The following CLPTM1L variants were observed in gnomAD, a reference collection of about 807,000 sequenced individuals.
CLPTM1L encodes the protein lipid scramblase CLPTM1L.
A neutral mutation model predicts 70.9 loss-of-function variants in CLPTM1L; 38 were observed. The observed-to-expected ratio is 0.54, with a 90% CI of 0.41 to 0.70. The LOEUF (loss-of-function observed/expected upper bound fraction) is 0.70, where lower values mean the gene tolerates loss of function less well. Ranked by LOEUF, CLPTM1L falls within the 30% of genes least tolerant of loss-of-function variation. The probability of loss-of-function intolerance (pLI) is 0.00; values close to 1 mark genes in which losing one functional copy is unlikely to be tolerated. For synonymous variants in CLPTM1L, 339 were observed against 299.9 expected (o/e 1.13, Z -1.35); for missense variants, 652 against 705.9 (o/e 0.92, Z 0.87).
At chr5:1,335,537 G>A (rs986939494) in intron 5 of CLPTM1L, among the ~76,000 whole-genome samples, 3 of 152,272 alleles carry the variant, frequency 2.0e-5, no homozygotes, top group African/African-American at 4.8e-5. Flanking sequence ...AGCATACGGC[G>A]CTGAGCTTGG....
intron 7 of CLPTM1L, among the ~76,000 whole-genome samples, chr5:1,334,008 G>A (rs976418705): frequency 1.1e-4 from 17 of 152,122 alleles, no homozygotes; most frequent in African/African-American, 3.6e-4. Context: ...GAGTACCCTG[G>A]ATCCTTTTCA....
At position 1,341,788 on chromosome 5, in the gene CLPTM1L, G is replaced by T; in HGVS notation, c.336C>A (p.His112Gln). ...CGTCGTGCCACGGCAGGACCCCAGC[G>T]TGATGGAGGAAGATGTAGGCATACA... ...GTLYAYIFLH[H>Q]AGVLPWHDGK... is the part of the protein sequence containing the mutation. Residue 112 changes from histidine (H) to glutamine (Q), a missense_variant, in exon 3 of 17, where the codon CAC becomes CAA. His to Gln is a conservative substitution (Grantham distance 24, BLOSUM62 0). This residue lies in a region of CLPTM1L where 402 missense variants were observed against 388.2 expected (regional missense o/e 1.04). Coordinates refer to ENST00000320895, the MANE Select transcript of CLPTM1L (RefSeq NM_030782.5). 1 of 1,614,062 alleles carries T rather than the reference G, an allele frequency of 6.2e-7. No homozygotes were observed.
chr5:1,321,663 T>C lies in CLPTM1L; in HGVS notation c.1388A>G (p.His463Arg). ...FVNYKLKSVA[H>R]LPWKAFTYKA... The stretch of plus-strand genomic sequence containing the variant: ...GTAGGTGAAGGCCTTCCAGGGCAGA[T>C]GTGCCACTGACTTCAACTGAAACAG... The change falls in exon 15 of 17, where the codon CAT becomes CGT. Residue 463 changes from histidine to arginine, a missense_variant. By Grantham distance (29) the His-to-Arg change is conservative. Around this residue, in one of 3 missense-constraint regions of CLPTM1L, gnomAD observed 240 missense variants for 295.0 expected, o/e 0.81. Coordinates refer to ENST00000320895, the MANE Select transcript of CLPTM1L (RefSeq NM_030782.5). The C allele has an allele frequency of 6.2e-7, 1 of 1,613,986 alleles. No individual in the cohort carries two copies. The highest frequency in any genetic ancestry group is 8.5e-7 in the Non-Finnish European group (1 of 1,180,040).
intron 16 of CLPTM1L, chr5:1,320,180 A>T (rs1752067465): frequency 6.5e-6 from 1 of 154,912 alleles, no homozygotes. Context: ...GGGTGCGGCC[A>T]ATGCTGAGGT....
Position 1,342,378 on chromosome 5 carries a change from C to T in CLPTM1L, c.264-518G>A, listed in dbSNP as rs900372859. Among the ~76,000 whole-genome samples, 1 of 152,148 alleles carries T rather than the reference C, an allele frequency of 6.6e-6. No homozygotes were observed. Among genetic ancestry groups the T allele is most frequent in the Non-Finnish European group, 1.5e-5 (1 of 68,018 alleles). ...GTAGTTTTAAGGATAAAAAGATGAT[C>T]AGCCACAAAGGACTGACTTTCAAGG... is the stretch of plus-strand genomic sequence containing the variant. On this transcript the variant is annotated intron_variant, in intron 2 of 16. Coordinates refer to ENST00000320895, the MANE Select transcript of CLPTM1L (RefSeq NM_030782.5). The surrounding 1 kb of genome is among the most constrained non-coding windows in gnomAD (Gnocchi z 4.3).
chr5:1,333,664 TGA>T (rs1753330866), intron 7 of CLPTM1L, among the ~76,000 whole-genome samples: 1 of 19,216 alleles, frequency 5.2e-5, no homozygotes, highest in Non-Finnish European at 9.5e-5. Flanking sequence ...ACACACCGGC[TGA>T]GGATAAGGGG....
chr5:1,331,736 C>CAG, intron 8 of CLPTM1L, 63 bp downstream of exon 8: 6 of 1,418,736 alleles, frequency 4.2e-6, no homozygotes, highest in Non-Finnish European at 4.0e-6. Flanking sequence ...AGCCCTCTAC[C>CAG]GCAGGCTCCA....
chr5:1,324,033 C>T lies in CLPTM1L; in HGVS notation c.1198-164G>A, dbSNP rs945574475. On this transcript the variant is annotated intron_variant, in intron 11 of 16. Transcript: ENST00000320895. ...GGCGTGAGGGGCACAGGCAGGGCAT[C>T]GCACACTCGCCACAGCCCCAGGAGG... is the stretch of plus-strand genomic sequence containing the variant. 5.1e-5 allele frequency: 32 copies of T among 623,122 alleles called. 1 individual carries two copies. Among genetic ancestry groups the T allele is most frequent in the Admixed American group, 4.1e-4 (16 of 39,386 alleles). The allele number at this position is 623,122 out of a possible 1,614,324, so 38.6% of individuals were successfully genotyped here.
chr5:1,336,193 C>G (rs1753568290), intron 5 of CLPTM1L, among the ~76,000 whole-genome samples: 1 of 152,240 alleles, frequency 6.6e-6, no homozygotes, highest in Admixed American at 6.5e-5. Context: ...ACTGCCTCCT[C>G]CATCTGGCAG....
At chr5:1,325,901 A>C (rs2126728158) in intron 9 of CLPTM1L, 85 bp from the exon 10 acceptor site, 1 of 1,175,990 alleles carries the variant, frequency 8.5e-7, no homozygotes, top group South Asian at 1.3e-5. Context: ...AACGGGTAGG[A>C]CCTGCTGCCC....
At chr5:1,337,619 G>A (rs531510914) in intron 5 of CLPTM1L, among the ~76,000 whole-genome samples, 98 of 152,340 alleles carry the variant, frequency 6.4e-4, no homozygotes, top group African/African-American at 2.3e-3. Flanking sequence ...CTCTCTAAGC[G>A]CTGCCCTCTA....
At chr5:1,327,336 C>T (rs1752665952) in intron 9 of CLPTM1L, among the ~76,000 whole-genome samples, 1 of 149,350 alleles carries the variant, frequency 6.7e-6, no homozygotes, top group Non-Finnish European at 1.5e-5. Flanking sequence ...TCCTCCTCTA[C>T]AGACACATTC....
chr5:1,322,021 C>T (rs1005258005), intron 13 of CLPTM1L, among the ~76,000 whole-genome samples: 4 of 152,286 alleles, frequency 2.6e-5, no homozygotes, highest in Middle Eastern at 6.8e-3. Context: ...CAAGAGTCTA[C>T]GACAACTTTG....
intron 2 of CLPTM1L, 43 bp downstream of exon 2, chr5:1,344,308 G>A (rs767611736): frequency 1.4e-5 from 18 of 1,277,460 alleles, no homozygotes; most frequent in Admixed American, 1.2e-4. Context: ...CTGAACATGA[G>A]TAATGTTTTC....
At chr5:1,333,385 A>C (rs1753282332) in intron 7 of CLPTM1L, among the ~76,000 whole-genome samples, 2 of 124,196 alleles carry the variant, frequency 1.6e-5, no homozygotes. Context: ...TACACACCAG[A>C]TGAGGATAAG....
At position 1,318,767 on chromosome 5, in the gene CLPTM1L, C is replaced by T. The variant is rs115308077; in HGVS notation, c.1533-314G>A. On this transcript the variant is annotated intron_variant, in intron 16 of 16. Transcript: ENST00000320895. The surrounding 1 kb of genome is among the most constrained non-coding windows in gnomAD (Gnocchi z 8.9). ...GGCTGCACGGGCTGCCTTCTGGGAA[C>T]GGTGGCATCACGGAGACTCGAGTGA... Among the ~76,000 whole-genome samples, 1,418 of 152,254 alleles carry T rather than the reference C, an allele frequency of 9.3e-3. 14 individuals are homozygous for T. Among genetic ancestry groups the T allele is most frequent in the African/African-American group, 0.032 (1,320 of 41,536 alleles).
chr5:1,342,469 G>C lies in CLPTM1L; in HGVS notation c.264-609C>G, dbSNP rs1185390350. 6.6e-6 allele frequency among the ~76,000 whole-genome samples: 1 copy of C among 152,218 alleles called. No homozygotes were observed. The highest frequency in any genetic ancestry group is 1.5e-5 in the Non-Finnish European group (1 of 68,038). Reference sequence around the variant, plus strand: ...AAAGGCCCGGCGAGCTGCTACAACTGTAGGCCTCGGACCAGGTGCCTGGCT... The same window carrying C: ...AAAGGCCCGGCGAGCTGCTACAACTCTAGGCCTCGGACCAGGTGCCTGGCT... On this transcript the variant is annotated intron_variant, in intron 2 of 16. Coordinates refer to ENST00000320895, the MANE Select transcript of CLPTM1L (RefSeq NM_030782.5). The surrounding 1 kb of genome is among the most constrained non-coding windows in gnomAD (Gnocchi z 4.3).
Position 1,318,525 on chromosome 5 carries a change from A to AAGTCC in CLPTM1L, c.1533-73_1533-72insGGACT. ...TATTTTTCTAAGAGGAGGACTTGGC[A>AAGTCC]TCCTCGATTTATTTTCCAGTGAGCT... On this transcript the variant is annotated intron_variant, in intron 16 of 16. Coordinates refer to ENST00000320895, the MANE Select transcript of CLPTM1L (RefSeq NM_030782.5). This position sits in a 1 kb window ranked among gnomAD's most constrained non-coding sequence, Gnocchi z 8.9. 5 of 1,254,118 alleles carry AAGTCC rather than the reference A, an allele frequency of 4.0e-6. No homozygotes were observed. Among genetic ancestry groups the AAGTCC allele is most frequent in the East Asian group, 2.4e-5 (1 of 42,448 alleles). 77.7% of individuals were successfully genotyped at this position (1,254,118 alleles called of 1,614,324 possible). A position where few individuals can be genotyped will look rare whatever the true frequency, so the allele number is the denominator to read the frequency against.
intron 16 of CLPTM1L, among the ~76,000 whole-genome samples, chr5:1,319,793 G>A (rs1199115492): frequency 6.6e-6 from 1 of 152,228 alleles, no homozygotes; most frequent in Non-Finnish European, 1.5e-5. Flanking sequence ...AGCAGGTCTT[G>A]GGGGTGACAC....
Sources: gnomAD v4.1 joint callset for allele counts (sites outside exome capture counted in the v4.1 genomes callset) on GRCh38, gnomAD v4.1.1 for gene constraint, gnomAD v4.1.1 regional missense constraint, Gnocchi (gnomAD v3.1) non-coding constraint, MANE v1.5 for transcripts, NCBI Gene and HGNC (gene_info 2026-07-23, HGNC 2026-07-21) for gene names.